The following MBP variants were observed in gnomAD, a reference collection of about 807,000 sequenced individuals.
The protein encoded by MBP is Golli-MBP.
MBP carries 16 observed loss-of-function variants against 35.8 expected under a neutral mutation model. That is an observed-to-expected ratio of 0.45 (90% confidence interval 0.30 to 0.68). MBP has a LOEUF of 0.68. Among genes scored for constraint, MBP ranks in the 30% least tolerant of loss-of-function variants. The pLI is 0.08. For missense variants in MBP, 380 were observed against 404.7 expected (o/e 0.94, Z 0.52); for synonymous variants, 143 against 159.6 (o/e 0.90, Z 0.78).
Position 76,989,756 on chromosome 18 carries a change from A to G in MBP, c.681+200T>C, listed in dbSNP as rs1005619839. On this transcript the variant is annotated intron_variant, in intron 5 of 8. Transcript: ENST00000355994. This position sits in a 1 kb window ranked among gnomAD's most constrained non-coding sequence, Gnocchi z 4.0. ...GAGAACGCACGGAGCGCACGGTGCA[A>G]TCCGTGGCAGATACAGTCGGGAAGC... is the stretch of plus-strand genomic sequence containing the variant. The G allele has an allele frequency of 4.8e-5, 28 of 577,846 alleles. No individual in the cohort carries two copies. The highest frequency in any genetic ancestry group is 1.2e-4 in the Admixed American group (4 of 34,618). 35.8% of individuals were successfully genotyped at this position (577,846 alleles called of 1,614,324 possible).
At chr18:77,116,452 A>G (rs1486006787) in intron 1 of MBP, among the ~76,000 whole-genome samples, 1 of 152,250 alleles carries the variant, frequency 6.6e-6, no homozygotes, top group Non-Finnish European at 1.5e-5. Flanking sequence ...AGAATGATGC[A>G]TTGAACAGAA....
In MBP at chr18:77,106,014, T is replaced by C. The variant is rs574085159; in HGVS notation, c.-25-728A>G. 7.2e-5 allele frequency among the ~76,000 whole-genome samples: 11 copies of C among 152,334 alleles called. No homozygotes were observed. The South Asian group carries it at 2.3e-3, about 32-fold the overall frequency. ...CCTTCCTGCGGAACCTGCCCTGGCC[T>C]TGGGGCTCTTCAGCTGAGGGCCACT... On this transcript the variant is annotated intron_variant, in intron 1 of 8. Transcript: ENST00000355994.
chr18:76,988,159 G>A lies in MBP; in HGVS notation c.750+336C>T. 6.5e-7 allele frequency: 1 copy of A among 1,537,886 alleles called. No homozygotes were observed. On this transcript the variant is annotated intron_variant, in intron 7 of 8. Transcript: ENST00000355994. The surrounding 1 kb of genome is among the most constrained non-coding windows in gnomAD (Gnocchi z 5.2). ...TGGGGCTTCTCGCACTGGTTGTGTT[G>A]GAGGAAGTTAAACATTTTCTCGGAC... is the stretch of plus-strand genomic sequence containing the variant.
chr18:77,114,388 T>A (rs1341913484), intron 1 of MBP: 2 of 152,204 alleles, frequency 1.3e-5, no homozygotes, highest in Non-Finnish European at 2.9e-5. Context: ...CCTAGCTTGC[T>A]ACAATATCAG....
At chr18:77,069,054 A>G (rs1974323350) in intron 2 of MBP, 1 of 470,570 alleles carries the variant, frequency 2.1e-6, no homozygotes. Context: ...CTGTGTCTCT[A>G]TTACAGAAAC....
At chr18:77,070,216 T>C (rs58191673) in intron 2 of MBP, among the ~76,000 whole-genome samples, 21,068 of 152,214 alleles carry the variant, frequency 0.14, 1,578 homozygotes, top group South Asian at 0.24. Flanking sequence ...TCCTGGCAGC[T>C]CAGGCCCTCC....
chr18:77,012,694 G>T, intron 4 of MBP: 1 of 740,148 alleles, frequency 1.4e-6, no homozygotes, highest in Non-Finnish European at 1.7e-6. Flanking sequence ...GTGTCACCAG[G>T]CCACAAAAAT....
intron 3 of MBP, among the ~76,000 whole-genome samples, chr18:77,058,580 C>T (rs1335939910): frequency 6.6e-5 from 10 of 152,254 alleles, no homozygotes; most frequent in Admixed American, 5.9e-4. Flanking sequence ...GAATCCTGAG[C>T]AACAGAAACA....
intron 2 of MBP, among the ~76,000 whole-genome samples, chr18:77,094,340 A>G (rs940037091): frequency 6.6e-6 from 1 of 152,140 alleles, no homozygotes; most frequent in East Asian, 1.9e-4. Flanking sequence ...AGCTCACTGA[A>G]GTTTTATGGA....
At chr18:76,985,968 T>C (rs1969536518) in intron 7 of MBP, 1 of 985,760 alleles carries the variant, frequency 1.0e-6, no homozygotes, top group Non-Finnish European at 1.2e-6. Flanking sequence ...TGGGTGCGAG[T>C]GTCCCAGGAC....
chr18:77,123,567 G>A (rs993295385), intron 1 of MBP, among the ~76,000 whole-genome samples: 7 of 152,286 alleles, frequency 4.6e-5, no homozygotes, highest in East Asian at 3.9e-4. Context: ...AAGTTAACCC[G>A]GAGCTCATTA....
chr18:77,009,315 C>G (rs574981272), intron 4 of MBP, among the ~76,000 whole-genome samples: 1 of 152,366 alleles, frequency 6.6e-6, no homozygotes, highest in African/African-American at 2.4e-5. Flanking sequence ...TAGCCCACTT[C>G]CTATGCAGAG....
chr18:77,038,206 A>G (rs1227240030), intron 3 of MBP, among the ~76,000 whole-genome samples: 1 of 152,238 alleles, frequency 6.6e-6, no homozygotes, highest in Non-Finnish European at 1.5e-5. Context: ...CCTTAGCTTC[A>G]AGGGATGGGG....
intron 2 of MBP, among the ~76,000 whole-genome samples, chr18:77,075,301 T>C (rs1974607232): frequency 6.6e-6 from 1 of 152,258 alleles, no homozygotes; most frequent in Admixed American, 6.5e-5. Context: ...ACTATGTTTT[T>C]GTTATAGCTA....
chr18:77,070,326 T>C (rs1443401111), intron 2 of MBP, among the ~76,000 whole-genome samples: 1 of 152,192 alleles, frequency 6.6e-6, no homozygotes, highest in Non-Finnish European at 1.5e-5. Flanking sequence ...CTTCATACTA[T>C]TTGTAGCAAT....
intron 3 of MBP, among the ~76,000 whole-genome samples, chr18:77,018,305 C>T (rs1971762251): frequency 6.7e-6 from 1 of 150,362 alleles, no homozygotes; most frequent in African/African-American, 2.5e-5. Flanking sequence ...TGCATCCATC[C>T]ATCCACATAT....
chr18:77,089,319 C>T (rs962580585), intron 2 of MBP, among the ~76,000 whole-genome samples: 5 of 152,212 alleles, frequency 3.3e-5, no homozygotes, highest in African/African-American at 1.2e-4. Flanking sequence ...TTTCCATGGC[C>T]CCAGGGCAGG....
intron 7 of MBP, chr18:76,985,817 A>G (rs779604867): frequency 9.1e-6 from 9 of 988,606 alleles, no homozygotes; most frequent in Non-Finnish European, 9.6e-6. Flanking sequence ...GCCACTCCTC[A>G]GGTGGAGGCT....
intron 3 of MBP, among the ~76,000 whole-genome samples, chr18:77,026,748 C>T (rs1434311318): frequency 6.6e-6 from 1 of 152,166 alleles, no homozygotes; most frequent in Non-Finnish European, 1.5e-5. Context: ...TACCTGTAGT[C>T]CCAGCTCCTC....
Sources: allele counts gnomAD v4.1 joint callset (sites outside exome capture counted in the v4.1 genomes callset), GRCh38; gene constraint gnomAD v4.1.1; non-coding constraint Gnocchi (gnomAD v3.1); transcripts MANE v1.5; gene names NCBI Gene and HGNC (gene_info 2026-07-23, HGNC 2026-07-21).